CRYBA1: variants seen among roughly 807,000 people sequenced by gnomAD.
The protein encoded by CRYBA1 is crystallin beta A1.
In CRYBA1, 25 loss-of-function variants were observed where a neutral mutation model predicts 36.2. The ratio of observed to expected loss-of-function variants is 0.69; its 90% confidence interval spans 0.50 to 0.97. The LOEUF (loss-of-function observed/expected upper bound fraction) is 0.97. Ranked by LOEUF, CRYBA1 falls within the 50% of genes least tolerant of loss-of-function variation. The pLI is 0.00. For synonymous variants in CRYBA1, 111 were observed against 90.0 expected, an observed-to-expected ratio of 1.23 and a Z score of -1.32; for missense variants, 224 against 276.3, an observed-to-expected ratio of 0.81 and a Z score of 1.34.
intron 5 of CRYBA1, among the ~76,000 whole-genome samples, chr17:29,253,987 C>A (rs190831482): frequency 6.6e-6 from 1 of 152,138 alleles, no homozygotes; most frequent in Non-Finnish European, 1.5e-5. Context: ...GAAGAATTTA[C>A]GTTGACTACT....
At chr17:29,247,444 T>C (rs147920175) in intron 1 of CRYBA1, among the ~76,000 whole-genome samples, 2 of 152,326 alleles carry the variant, frequency 1.3e-5, no homozygotes, top group Non-Finnish European at 2.9e-5. Flanking sequence ...TAATGATAAT[T>C]CTTAATTCAT....
intron 4 of CRYBA1, 58 bp downstream of exon 4, chr17:29,252,263 A>G: frequency 5.6e-6 from 9 of 1,606,206 alleles, no homozygotes; most frequent in Non-Finnish European, 7.7e-6. Flanking sequence ...GAGGGTGTGG[A>G]CAGACTGACG....
chr17:29,253,607 A>G, intron 4 of CRYBA1, 33 bp from the exon 5 acceptor site: 1 of 1,579,770 alleles, frequency 6.3e-7, no homozygotes, highest in South Asian at 1.1e-5. Flanking sequence ...TAGCACTAGT[A>G]CTAAACATTT....
chr17:29,249,339 G>A (rs2068921572), intron 2 of CRYBA1, 133 bp downstream of exon 2: 5 of 661,512 alleles, frequency 7.6e-6, no homozygotes, highest in Non-Finnish European at 1.4e-5. Context: ...GTCCACACAA[G>A]CTCCAGTGCT....
At chr17:29,250,689 A>G (rs960122387) in intron 3 of CRYBA1, among the ~76,000 whole-genome samples, 1 of 151,940 alleles carries the variant, frequency 6.6e-6, no homozygotes, top group South Asian at 2.1e-4. Flanking sequence ...CTGCCTCTTC[A>G]TGGCTAACTC....
intron 1 of CRYBA1, among the ~76,000 whole-genome samples, chr17:29,248,682 A>G (rs1004173415): frequency 1.3e-5 from 2 of 151,752 alleles, no homozygotes; most frequent in Non-Finnish European, 2.9e-5. Context: ...TCTGATCCTT[A>G]CAATAACTGC....
In CRYBA1 at chr17:29,250,316, C is replaced by G; in HGVS notation, c.215+16C>G. ...AAAGTGGCGCGTGAGTATGGACTTC[C>G]GCAGAACCGCAGCCCCTTATTTCAG... On this transcript the variant is annotated intron_variant, in intron 3 of 5. Coordinates refer to ENST00000225387, the MANE Select transcript of CRYBA1 (RefSeq NM_005208.5). The G allele has an allele frequency of 7.3e-7, 1 of 1,374,854 alleles. No individual in the cohort carries two copies. The highest frequency in any genetic ancestry group is 1.0e-6 in the Non-Finnish European group (1 of 961,262). 85.2% of individuals were successfully genotyped at this position (1,374,854 alleles called of 1,614,324 possible).
Position 29,254,476 on chromosome 17 carries a change from G to T in CRYBA1, c.*127G>T. The T allele has an allele frequency of 1.0e-6, 1 of 999,960 alleles. No homozygotes were observed. Among genetic ancestry groups the T allele is most frequent in the Non-Finnish European group, 1.5e-6 (1 of 667,048 alleles). The allele number at this position is 999,960 out of a possible 1,614,324, so 61.9% of individuals were successfully genotyped here. ...TTAGCTGCTGAAATCCACAATAAAC[G>T]TCATTTAAAAAAAAAAAACTTTGTA... On this transcript the variant is annotated 3_prime_UTR_variant, in exon 6 of 6. Coordinates refer to ENST00000225387, the MANE Select transcript of CRYBA1 (RefSeq NM_005208.5).
intron 3 of CRYBA1, among the ~76,000 whole-genome samples, chr17:29,251,307 A>G (rs1197338018): frequency 6.6e-6 from 1 of 152,130 alleles, no homozygotes; most frequent in Non-Finnish European, 1.5e-5. Context: ...CCATAACGAT[A>G]GCTGATGACC....
chr17:29,254,130 A>C (rs1275128181), intron 5 of CRYBA1, 72 bp from the exon 6 acceptor site: 1 of 1,523,498 alleles, frequency 6.6e-7, no homozygotes, highest in Non-Finnish European at 9.1e-7. Flanking sequence ...TTGAGTAAAG[A>C]GGCTCAGGTT....
At chr17:29,252,037 T>C (rs1476365040) in intron 3 of CRYBA1, 27 bp from the exon 4 acceptor site, 5 of 1,614,102 alleles carry the variant, frequency 3.1e-6, no homozygotes, top group Non-Finnish European at 4.2e-6. Flanking sequence ...TTGAACACCA[T>C]GAACAAACAC....
In CRYBA1 at chr17:29,250,274, C is replaced by T. The variant is rs375339782; in HGVS notation, c.189C>T (p.Val63=). 1.2e-6 allele frequency: 2 copies of T among 1,611,760 alleles called. No homozygotes were observed. Among genetic ancestry groups the T allele is most frequent in the South Asian group, 1.1e-5 (1 of 91,042 alleles). ...TCTCTGAGCGCAGTTTTGATAATGT[C>T]CGGTCCCTGAAGGTGGAAAGTGGCG... The part of the protein sequence containing the change: ...PNVSERSFDN[V]RSLKVESGAW... The change falls in exon 3 of 6, where the codon GTC becomes GTT. Residue 63 remains valine, a synonymous_variant. Coordinates refer to ENST00000225387, the MANE Select transcript of CRYBA1 (RefSeq NM_005208.5).
At chr17:29,248,368 CTT>C (rs1204290621) in intron 1 of CRYBA1, among the ~76,000 whole-genome samples, 19 of 139,692 alleles carry the variant, frequency 1.4e-4, no homozygotes, top group Non-Finnish European at 1.6e-4. Flanking sequence ...TGTTTTTTTT[CTT>C]TTTTTTTTTT....
At chr17:29,248,932 C>T (rs1317431102) in intron 1 of CRYBA1, among the ~76,000 whole-genome samples, 1 of 152,082 alleles carries the variant, frequency 6.6e-6, no homozygotes, top group African/African-American at 2.4e-5. Context: ...TGTGCCACTG[C>T]ACTCCAGCCT....
intron 3 of CRYBA1, 56 bp from the exon 4 acceptor site, chr17:29,252,007 TC>T: frequency 6.2e-7 from 1 of 1,612,852 alleles, no homozygotes; most frequent in East Asian, 2.2e-5. Context: ...AGATGCCTTC[TC>T]CCCAAGGCCA....
In CRYBA1 at chr17:29,253,818, G is replaced by A. The variant is rs1221758029; in HGVS notation, c.500+36G>A. The A allele has an allele frequency of 3.7e-6, 6 of 1,612,266 alleles. No individual in the cohort carries two copies. In the Admixed American group the frequency reaches 6.7e-5, roughly 18 times the overall value. On this transcript the variant is annotated intron_variant, in intron 5 of 5. Coordinates refer to ENST00000225387, the MANE Select transcript of CRYBA1 (RefSeq NM_005208.5). ...AAACAGGGTTGGAATATACTTCAAA[G>A]TAACTCCTGAGGTTGCATCAATAGT...
In CRYBA1 at chr17:29,250,278, T is replaced by A. The variant is rs1567670780; in HGVS notation, c.193T>A (p.Ser65Thr). Residue 65 changes from serine (S) to threonine (T), a missense_variant, in exon 3 of 6, where the codon TCC (serine) becomes ACC (threonine). By Grantham distance (58) the Ser-to-Thr change is moderately conservative. Transcript: ENST00000225387. Reference sequence around the variant, plus strand: ...TGAGCGCAGTTTTGATAATGTCCGGTCCCTGAAGGTGGAAAGTGGCGCGTG... The same window carrying A: ...TGAGCGCAGTTTTGATAATGTCCGGACCCTGAAGGTGGAAAGTGGCGCGTG... ...VSERSFDNVR[S>T]LKVESGAWIG... 6.2e-7 allele frequency: 1 copy of A among 1,610,546 alleles called. No homozygotes were observed. Among genetic ancestry groups the A allele is most frequent in the Non-Finnish European group, 8.5e-7 (1 of 1,176,712 alleles).
rs1266879956 is a variant in CRYBA1, at chr17:29,253,621, A to G, written c.358-19A>G. The G allele has an allele frequency of 3.1e-6, 5 of 1,606,794 alleles. No individual in the cohort carries two copies. The highest frequency in any genetic ancestry group is 4.3e-6 in the Non-Finnish European group (5 of 1,173,572). Reference sequence around the variant, plus strand: ...ATAGCACTAGTACTAAACATTTTAAAACAATTTCTGAATTACAGAATCATA... The same window carrying G: ...ATAGCACTAGTACTAAACATTTTAAGACAATTTCTGAATTACAGAATCATA... On this transcript the variant is annotated intron_variant, in intron 4 of 5. Coordinates refer to ENST00000225387, the MANE Select transcript of CRYBA1 (RefSeq NM_005208.5).
chr17:29,254,357 A>G lies in CRYBA1; in HGVS notation c.*8A>G. 1 of 1,614,120 alleles carries G rather than the reference A, an allele frequency of 6.2e-7. No homozygotes were observed. Among genetic ancestry groups the G allele is most frequent in the Non-Finnish European group, 8.5e-7 (1 of 1,179,986 alleles). On this transcript the variant is annotated 3_prime_UTR_variant, in exon 6 of 6. Transcript: ENST00000225387. ...CGCCGAATCCAACAGTAGCTGATTA[A>G]AAGCTCCAAGTACGATAATTCCTCA...
Sources: gnomAD v4.1 joint callset for allele counts (sites outside exome capture counted in the v4.1 genomes callset) on GRCh38, gnomAD v4.1.1 for gene constraint, MANE v1.5 for transcripts, NCBI Gene and HGNC (gene_info 2026-07-23, HGNC 2026-07-21) for gene names.